CCDC38: variants seen among roughly 807,000 people sequenced by gnomAD.
CCDC38 encodes the protein coiled-coil domain containing 38.
In CCDC38, 69 loss-of-function variants were observed where a neutral mutation model predicts 72.8. The observed-to-expected ratio is 0.95, with a 90% CI of 0.78 to 1.16. The LOEUF is 1.16. Among genes scored for constraint, CCDC38 ranks in the 50% most tolerant of loss-of-function variants. The pLI is 0.00. For missense variants in CCDC38, 626 were observed against 638.9 expected, an observed-to-expected ratio of 0.98 and a Z score of 0.22; for synonymous variants, 201 against 213.2, an observed-to-expected ratio of 0.94 and a Z score of 0.50.
intron 8 of CCDC38, among the ~76,000 whole-genome samples, chr12:95,892,080 G>A (rs1215986034): frequency 1.9e-5 from 2 of 106,854 alleles, no homozygotes; most frequent in African/African-American, 8.8e-5. Flanking sequence ...GGATCACTCT[G>A]CTTTTTTTTT....
intron 2 of CCDC38, among the ~76,000 whole-genome samples, chr12:95,919,233 T>G (rs1406924700): frequency 6.6e-6 from 1 of 152,170 alleles, no homozygotes; most frequent in African/African-American, 2.4e-5. Flanking sequence ...AACAAATTTA[T>G]AGACAAAAAA....
intron 13 of CCDC38, 152 bp downstream of exon 13, chr12:95,878,059 G>A: frequency 1.2e-6 from 1 of 840,866 alleles, no homozygotes; most frequent in East Asian, 2.7e-5. Flanking sequence ...TTACATAATG[G>A]CAAGATAAAT....
chr12:95,891,085 G>A (rs1592767383), intron 8 of CCDC38, among the ~76,000 whole-genome samples, 155 bp from the exon 9 acceptor site: 2 of 152,312 alleles, frequency 1.3e-5, no homozygotes, highest in East Asian at 1.9e-4. Context: ...ACCAGCAAAC[G>A]TGATATGCAG....
In CCDC38 at chr12:95,917,148, C is replaced by T. The variant is rs376813830; in HGVS notation, c.285G>A (p.Pro95=). The T allele has an allele frequency of 1.8e-5, 29 of 1,576,592 alleles. No individual in the cohort carries two copies. In the East Asian group the frequency reaches 2.3e-4, roughly 12 times the overall value. The part of the protein sequence containing the change: ...SFEKFGPGPA[P]IPRLIEGSDT... Reference sequence around the variant, plus strand: ...ACTCACCTTCTATTAATCTAGGAATCGGAGCAGGACCTGGCCCAAACTTTT... The same window carrying T: ...ACTCACCTTCTATTAATCTAGGAATTGGAGCAGGACCTGGCCCAAACTTTT... Residue 95 remains proline (P), a synonymous_variant, in exon 4 of 16, where the codon CCG becomes CCA. Coordinates refer to ENST00000344280, the MANE Select transcript of CCDC38 (RefSeq NM_182496.3).
intron 2 of CCDC38, among the ~76,000 whole-genome samples, chr12:95,922,424 T>A (rs1264163094): frequency 6.6e-6 from 1 of 152,242 alleles, no homozygotes; most frequent in South Asian, 2.1e-4. Context: ...GAATCACCAG[T>A]GGTGGGAGGC....
intron 1 of CCDC38, among the ~76,000 whole-genome samples, chr12:95,940,887 CAAACA>C (rs143780758): frequency 0.47 from 65,286 of 139,832 alleles, 14,425 homozygotes; most frequent in East Asian, 0.59. Flanking sequence ...AACAAACAAA[CAAACA>C]AAAAAAAAAA....
chr12:95,904,793 G>A (rs979574694), intron 5 of CCDC38, among the ~76,000 whole-genome samples: 1 of 152,170 alleles, frequency 6.6e-6, no homozygotes, highest in African/African-American at 2.4e-5. Context: ...ATATTTCTGG[G>A]ATGGGCAGCC....
intron 4 of CCDC38, among the ~76,000 whole-genome samples, chr12:95,910,329 ACAC>A (rs2080078140): frequency 6.6e-6 from 1 of 151,978 alleles, no homozygotes; most frequent in African/African-American, 2.4e-5. Context: ...ACACACACAC[ACAC>A]AAAATACCTA....
chr12:95,870,214 C>T (rs1227277584), intron 14 of CCDC38, among the ~76,000 whole-genome samples: 2 of 152,154 alleles, frequency 1.3e-5, no homozygotes, highest in Non-Finnish European at 2.9e-5. Flanking sequence ...AAATGCATAG[C>T]TTAGTGAGCT....
At chr12:95,936,597 A>T in intron 1 of CCDC38, 74 bp from the exon 2 acceptor site, 1 of 1,216,320 alleles carries the variant, frequency 8.2e-7, no homozygotes, top group Non-Finnish European at 1.2e-6. Flanking sequence ...TTCAACTGCC[A>T]ATGACTCCTT....
chr12:95,888,380 G>T, intron 10 of CCDC38, 78 bp downstream of exon 10: 1 of 1,292,696 alleles, frequency 7.7e-7, no homozygotes, highest in Non-Finnish European at 1.1e-6. Context: ...TGACATATAT[G>T]TTGAGAAAAG....
At chr12:95,907,042 C>T (rs979108394) in intron 4 of CCDC38, among the ~76,000 whole-genome samples, 3 of 151,412 alleles carry the variant, frequency 2.0e-5, no homozygotes, top group Non-Finnish European at 3.0e-5. Context: ...AGCATGCTGC[C>T]TTCAAGCGTC....
intron 4 of CCDC38, among the ~76,000 whole-genome samples, chr12:95,909,156 A>C (rs1305163343): frequency 6.6e-6 from 1 of 152,212 alleles, no homozygotes; most frequent in Non-Finnish European, 1.5e-5. Flanking sequence ...ACCACTAGCT[A>C]GATTAACAAA....
chr12:95,894,639 A>G (rs921799351), intron 8 of CCDC38, among the ~76,000 whole-genome samples: 22 of 152,130 alleles, frequency 1.4e-4, no homozygotes, highest in Non-Finnish European at 3.1e-4. Flanking sequence ...TGGTCTCTGT[A>G]CACATGTTTC....
intron 14 of CCDC38, among the ~76,000 whole-genome samples, chr12:95,871,741 C>T (rs942538115): frequency 1.3e-5 from 2 of 151,582 alleles, no homozygotes; most frequent in East Asian, 1.9e-4. Flanking sequence ...TTGTGTTGCT[C>T]AGACTTTCAA....
intron 8 of CCDC38, among the ~76,000 whole-genome samples, chr12:95,891,970 C>A (rs1775381365): frequency 6.6e-6 from 1 of 152,056 alleles, no homozygotes; most frequent in Admixed American, 6.5e-5. Flanking sequence ...AGCTGGGCTG[C>A]CCCTGGCTCC....
rs113857475 is a variant in CCDC38, at chr12:95,895,182, C to T, written c.615-36G>A. On this transcript the variant is annotated intron_variant, in intron 7 of 15. Coordinates refer to ENST00000344280, the MANE Select transcript of CCDC38 (RefSeq NM_182496.3). ...GAAACAAAGATATGATTAGGTATAT[C>T]AGTGTGAAAGCACATTCATTAGAAA... 1.2e-3 allele frequency: 1,817 copies of T among 1,517,416 alleles called. 19 individuals are homozygous for T. The African/African-American group carries it at 0.023, about 19-fold the overall frequency. 94.0% of individuals were successfully genotyped at this position (1,517,416 alleles called of 1,614,324 possible).
At chr12:95,896,745 C>G (rs923060300) in intron 7 of CCDC38, 1 of 152,256 alleles carries the variant, frequency 6.6e-6, no homozygotes, top group Non-Finnish European at 1.5e-5. Context: ...CTGGGGCCAT[C>G]TCGAGCCATA....
chr12:95,925,799 C>A (rs2080263910), intron 2 of CCDC38, among the ~76,000 whole-genome samples: 1 of 151,316 alleles, frequency 6.6e-6, no homozygotes, highest in African/African-American at 2.4e-5. Flanking sequence ...TTGAGATAAT[C>A]ATGTGGTTTT....
Sources: allele counts gnomAD v4.1 joint callset (sites outside exome capture counted in the v4.1 genomes callset), GRCh38; gene constraint gnomAD v4.1.1; transcripts MANE v1.5; gene names NCBI Gene and HGNC (gene_info 2026-07-23, HGNC 2026-07-21).